STXBP6: variants seen among roughly 807,000 people sequenced by gnomAD.
STXBP6 encodes syntaxin-binding protein 6.
Under a neutral mutation model 26.9 loss-of-function variants are expected in STXBP6, and 21 were observed. That is an observed-to-expected ratio of 0.78 (90% CI 0.55 to 1.12). The LOEUF is 1.12. Among genes scored for constraint, STXBP6 ranks in the 50% most tolerant of loss-of-function variants. The pLI is 0.00. For synonymous variants in STXBP6, 97 were observed against 92.6 expected (o/e 1.05, Z -0.27); for missense variants, 232 against 257.9 (o/e 0.90, Z 0.69).
intron 4 of STXBP6, among the ~76,000 whole-genome samples, chr14:24,853,292 T>C (rs2069218730): frequency 1.3e-5 from 2 of 152,068 alleles, no homozygotes; most frequent in Non-Finnish European, 2.9e-5. Flanking sequence ...AGAAGTGTGA[T>C]AGCTGGCAGA....
At chr14:24,955,552 AGG>A in intron 2 of STXBP6, among the ~76,000 whole-genome samples, 1 of 152,200 alleles carries the variant, frequency 6.6e-6, no homozygotes, top group Non-Finnish European at 1.5e-5. Context: ...GCATGATTGC[AGG>A]GTGAACCCAT....
intron 1 of STXBP6, among the ~76,000 whole-genome samples, chr14:25,003,612 C>A (rs1261503042): frequency 6.6e-6 from 1 of 152,168 alleles, no homozygotes; most frequent in Non-Finnish European, 1.5e-5. Flanking sequence ...TAAGAAAATT[C>A]TTTTGCTGAG....
At chr14:24,904,778 C>A (rs372721604) in intron 2 of STXBP6, among the ~76,000 whole-genome samples, 2 of 152,160 alleles carry the variant, frequency 1.3e-5, no homozygotes, top group Admixed American at 6.5e-5. Flanking sequence ...CTTGGACTTC[C>A]AGCCTCCAGA....
At chr14:24,880,918 G>A (rs1478336640) in intron 2 of STXBP6, among the ~76,000 whole-genome samples, 5 of 152,166 alleles carry the variant, frequency 3.3e-5, no homozygotes, top group East Asian at 1.9e-4. Flanking sequence ...ATAAGGTTCC[G>A]ACATTCATCC....
intron 2 of STXBP6, among the ~76,000 whole-genome samples, chr14:24,889,704 T>G (rs1224972739): frequency 1.3e-5 from 2 of 151,790 alleles, no homozygotes; most frequent in East Asian, 3.8e-4. Flanking sequence ...TAAGAAAATC[T>G]CCTCCCAAAA....
Position 24,809,851 on chromosome 14 carries a change from C to T in STXBP6, c.*2858G>A, listed in dbSNP as rs1173979212. On this transcript the variant is annotated 3_prime_UTR_variant, in exon 6 of 6. Transcript: ENST00000323944. ...TTAAGAGCTAAACCTATCTTTAATG[C>T]CCCTTATTTAGAGCATCCTGTAAAT... The T allele has an allele frequency of 1.3e-5, 2 of 152,080 alleles. No individual in the cohort carries two copies. Among genetic ancestry groups the T allele is most frequent in the African/African-American group, 4.8e-5 (2 of 41,414 alleles). The allele number at this position is 152,080 out of a possible 1,614,324, so 9.4% of individuals were successfully genotyped here. A position where few individuals can be genotyped will look rare whatever the true frequency, so the allele number is the denominator to read the frequency against.
intron 1 of STXBP6, among the ~76,000 whole-genome samples, chr14:25,007,841 T>C (rs1192194226): frequency 2.0e-5 from 3 of 152,196 alleles, no homozygotes; most frequent in African/African-American, 7.2e-5. Context: ...CAAGCCACTT[T>C]TTGTACTAAA....
At position 24,819,017 on chromosome 14, in the gene STXBP6, C is replaced by A. The variant is rs1333199688; in HGVS notation, c.609+20G>T. The A allele has an allele frequency of 1.3e-6, 2 of 1,555,222 alleles. No individual in the cohort carries two copies. The highest frequency in any genetic ancestry group is 1.7e-6 in the Non-Finnish European group (2 of 1,148,414). Reference sequence around the variant, plus strand: ...CCCCAACACCCCAGAGCTGAGAAGCCTGCTCCTCTCTTGGCCCACCTTGTG... The same window carrying A: ...CCCCAACACCCCAGAGCTGAGAAGCATGCTCCTCTCTTGGCCCACCTTGTG... On this transcript the variant is annotated intron_variant, in intron 5 of 5. Transcript: ENST00000323944.
intron 2 of STXBP6, among the ~76,000 whole-genome samples, chr14:24,871,256 T>A (rs2069923980): frequency 6.6e-6 from 1 of 152,088 alleles, no homozygotes; most frequent in South Asian, 2.1e-4. Context: ...CCATTCCCAA[T>A]CAAAGTAGAG....
chr14:25,028,893 A>G (rs745960319), intron 1 of STXBP6, among the ~76,000 whole-genome samples: 4 of 152,188 alleles, frequency 2.6e-5, no homozygotes, highest in Non-Finnish European at 4.4e-5. Context: ...TCAAGACTTC[A>G]GTAGAGAAAG....
chr14:24,874,634 T>C (rs1318508779), intron 2 of STXBP6, among the ~76,000 whole-genome samples: 3 of 152,138 alleles, frequency 2.0e-5, no homozygotes, highest in Non-Finnish European at 4.4e-5. Context: ...AGAAGGTCAT[T>C]TTAATTCAAA....
At chr14:24,955,731 C>T (rs2073322634) in intron 2 of STXBP6, among the ~76,000 whole-genome samples, 1 of 152,122 alleles carries the variant, frequency 6.6e-6, no homozygotes, top group African/African-American at 2.4e-5. Context: ...GCAAGTTCTC[C>T]ATGGAGACCA....
intron 1 of STXBP6, among the ~76,000 whole-genome samples, chr14:25,019,711 T>C (rs1052006944): frequency 1.3e-5 from 2 of 152,174 alleles, no homozygotes; most frequent in Admixed American, 1.3e-4. Context: ...CCAGAATCAG[T>C]AACAAATAGA....
At chr14:24,813,390 C>A (rs554933940) in intron 5 of STXBP6, among the ~76,000 whole-genome samples, 3 of 152,278 alleles carry the variant, frequency 2.0e-5, no homozygotes, top group Non-Finnish European at 4.4e-5. Flanking sequence ...CCAAGCCCAG[C>A]CAGCCCATGA....
chr14:24,879,128 T>C lies in STXBP6; in HGVS notation c.155-21971A>G, dbSNP rs148891621. Among the ~76,000 whole-genome samples the C allele has an allele frequency of 4.2e-3, 639 of 151,958 alleles. 2 individuals carry two copies. Among genetic ancestry groups the C allele is most frequent in the African/African-American group, 0.015 (605 of 41,476 alleles). On this transcript the variant is annotated intron_variant, in intron 2 of 5. Coordinates refer to ENST00000323944, the MANE Select transcript of STXBP6 (RefSeq NM_001394410.1). ...ATGTCAACAAAGTAGAGAAAAAAAA[T>C]AGCTTCCTTTTAAAGAAAAAGAAGG...
intron 1 of STXBP6, among the ~76,000 whole-genome samples, chr14:24,980,957 C>T (rs1304878246): frequency 1.3e-5 from 2 of 152,148 alleles, no homozygotes; most frequent in East Asian, 3.8e-4. Flanking sequence ...GGATCTGGGG[C>T]TAGGGCCTGC....
At chr14:24,975,867 T>C (rs2074031184) in intron 1 of STXBP6, among the ~76,000 whole-genome samples, 3 of 152,226 alleles carry the variant, frequency 2.0e-5, no homozygotes, top group Admixed American at 2.0e-4. Context: ...CATTCCATCA[T>C]CCTAGTCATA....
At chr14:24,909,563 T>C (rs2071496619) in intron 2 of STXBP6, among the ~76,000 whole-genome samples, 1 of 151,900 alleles carries the variant, frequency 6.6e-6, no homozygotes, top group Non-Finnish European at 1.5e-5. Context: ...GGTGGATTGC[T>C]TGAGTCCAAG....
chr14:24,869,283 C>T (rs12881381), intron 2 of STXBP6, among the ~76,000 whole-genome samples: 24,615 of 152,148 alleles, frequency 0.16, 2,356 homozygotes, highest in Non-Finnish European at 0.23. Context: ...TAAGCAGGCA[C>T]ACCTGACTAC....
Sources: gnomAD v4.1 joint callset for allele counts (sites outside exome capture counted in the v4.1 genomes callset) on GRCh38, gnomAD v4.1.1 for gene constraint, MANE v1.5 for transcripts, NCBI Gene and HGNC (gene_info 2026-07-23, HGNC 2026-07-21) for gene names.